Variants in STAT4 observed in about 807,000 individuals in gnomAD.
STAT4 encodes signal transducer and activator of transcription 4.
A neutral mutation model predicts 110.5 loss-of-function variants in STAT4; 42 were observed. That is an observed-to-expected ratio of 0.38 (90% CI 0.30 to 0.49). The LOEUF is 0.49. Ranked by LOEUF, STAT4 falls within the 20% of genes least tolerant of loss-of-function variation. The probability of loss-of-function intolerance (pLI) is 0.95; values close to 1 mark genes in which losing one functional copy is unlikely to be tolerated. For missense variants in STAT4, 632 were observed against 887.9 expected (o/e 0.71, Z 3.66); for synonymous variants, 284 against 302.2 (o/e 0.94, Z 0.63).
At chr2:191,055,516 G>A (rs1479143012) in intron 13 of STAT4, among the ~76,000 whole-genome samples, 1 of 150,954 alleles carries the variant, frequency 6.6e-6, no homozygotes, top group Non-Finnish European at 1.5e-5. Context: ...ACTGCGCCAG[G>A]CTAATTTTCT....
chr2:191,113,224 A>C lies in STAT4; in HGVS notation c.273+33389T>G, dbSNP rs1286447427. ...GTGCCACTCATTCATTTGTTCCACA[A>C]ATTTGTACTGAACAGCAATTATTGC... On this transcript the variant is annotated intron_variant, in intron 3 of 23. Transcript: ENST00000392320. This position sits in a 1 kb window ranked among gnomAD's most constrained non-coding sequence, Gnocchi z 4.8. Among the ~76,000 whole-genome samples the C allele has an allele frequency of 6.6e-6, 1 of 152,230 alleles. No homozygotes were observed. The highest frequency in any genetic ancestry group is 1.5e-5 in the Non-Finnish European group (1 of 68,042).
rs531472919 is a variant in STAT4, at chr2:191,136,654, T to G, written c.273+9959A>C. On this transcript the variant is annotated intron_variant, in intron 3 of 23. Coordinates refer to ENST00000392320, the MANE Select transcript of STAT4 (RefSeq NM_003151.4). ...GTATCCCAGCTACTCAGGAGGCTGATGCAGGAGAATTGCTTGAACCTGGGA... is the reference window on the plus strand; with the variant it reads ...GTATCCCAGCTACTCAGGAGGCTGAGGCAGGAGAATTGCTTGAACCTGGGA... 4.2e-4 allele frequency among the ~76,000 whole-genome samples: 64 copies of G among 152,244 alleles called. 1 individual carries two copies. The South Asian group carries it at 0.013, about 31-fold the overall frequency.
intron 3 of STAT4, among the ~76,000 whole-genome samples, chr2:191,097,087 A>G (rs1698008985): frequency 1.3e-5 from 2 of 152,236 alleles, no homozygotes. Context: ...CTCTTCAAGG[A>G]AAAACACAAA....
At position 191,146,887 on chromosome 2, in the gene STAT4, T is replaced by C; in HGVS notation, c.129-130A>G. On this transcript the variant is annotated intron_variant, in intron 2 of 23. Transcript: ENST00000392320. This position sits in a 1 kb window ranked among gnomAD's most constrained non-coding sequence, Gnocchi z 4.5. ...CATTTAAAAGTTTTAAAAAATTAAATTGTTAACATGAAGAGATGCTCAACA... is the reference window on the plus strand; with the variant it reads ...CATTTAAAAGTTTTAAAAAATTAAACTGTTAACATGAAGAGATGCTCAACA... 9 of 879,626 alleles carry C rather than the reference T, an allele frequency of 1.0e-5. No homozygotes were observed. Among genetic ancestry groups the C allele is most frequent in the Non-Finnish European group, 1.1e-5 (7 of 644,756 alleles). 54.5% of individuals were successfully genotyped at this position (879,626 alleles called of 1,614,324 possible). A position where few individuals can be genotyped will look rare whatever the true frequency, so the allele number is the denominator to read the frequency against.
Position 191,082,382 on chromosome 2 carries a change from A to C in STAT4, c.274-6057T>G, listed in dbSNP as rs1212212856. On this transcript the variant is annotated intron_variant, in intron 3 of 23. Transcript: ENST00000392320. This position sits in a 1 kb window ranked among gnomAD's most constrained non-coding sequence, Gnocchi z 4.7. The stretch of plus-strand genomic sequence containing the variant: ...AGTGTTATATTTTGATGACATTTTA[A>C]ACAGCAATTAAGATCAACATATGTT... 6.6e-6 allele frequency among the ~76,000 whole-genome samples: 1 copy of C among 152,326 alleles called. No homozygotes were observed. Among genetic ancestry groups the C allele is most frequent in the African/African-American group, 2.4e-5 (1 of 41,576 alleles).
At chr2:191,122,232 T>C (rs1441684914) in intron 3 of STAT4, among the ~76,000 whole-genome samples, 1 of 150,028 alleles carries the variant, frequency 6.7e-6, no homozygotes, top group Admixed American at 6.7e-5. Flanking sequence ...AAAATGGCCA[T>C]CAAGCATAAA....
chr2:191,095,584 T>C (rs1697946652), intron 3 of STAT4, among the ~76,000 whole-genome samples: 1 of 152,260 alleles, frequency 6.6e-6, no homozygotes, highest in Non-Finnish European at 1.5e-5. Context: ...AGACACAACA[T>C]ACCAGAATCT....
chr2:191,113,498 G>C lies in STAT4; in HGVS notation c.273+33115C>G, dbSNP rs957417172. Among the ~76,000 whole-genome samples, 2 of 152,204 alleles carry C rather than the reference G, an allele frequency of 1.3e-5. No homozygotes were observed. The highest frequency in any genetic ancestry group is 4.8e-5 in the African/African-American group (2 of 41,454). ...ATGAAACAGCATTGGATATAAATAT[G>C]CTCAGAAACTTATACAAGGTAGTCA... is the stretch of plus-strand genomic sequence containing the variant. On this transcript the variant is annotated intron_variant, in intron 3 of 23. Coordinates refer to ENST00000392320, the MANE Select transcript of STAT4 (RefSeq NM_003151.4). The surrounding 1 kb of genome is among the most constrained non-coding windows in gnomAD (Gnocchi z 4.8).
chr2:191,111,643 A>T (rs1311403666), intron 3 of STAT4, among the ~76,000 whole-genome samples: 1 of 152,202 alleles, frequency 6.6e-6, no homozygotes, highest in Non-Finnish European at 1.5e-5. Flanking sequence ...TTTTGAAGCC[A>T]GGAGTTAGAG....
chr2:191,090,751 A>T lies in STAT4; in HGVS notation c.274-14426T>A, dbSNP rs989832469. Among the ~76,000 whole-genome samples the T allele has an allele frequency of 3.3e-5, 5 of 152,040 alleles. No homozygotes were observed. The East Asian group carries it at 5.8e-4, about 18-fold the overall frequency. On this transcript the variant is annotated intron_variant, in intron 3 of 23. Transcript: ENST00000392320. This position sits in a 1 kb window ranked among gnomAD's most constrained non-coding sequence, Gnocchi z 4.2. ...AATTTTTTGTATTTTTAGTAGAGAC[A>T]GGGTTTCACCGTGTTAGCCTGACAC...
intron 3 of STAT4, among the ~76,000 whole-genome samples, chr2:191,092,413 G>A (rs1697825369): frequency 6.6e-6 from 1 of 151,184 alleles, no homozygotes; most frequent in African/African-American, 2.4e-5. Context: ...CAAAAATAAT[G>A]AAATTTCATT....
In STAT4 at chr2:191,031,638, C is replaced by T. The variant is rs1015272941; in HGVS notation, c.2045-122G>A. ...GAGGAAGAGAGATAACGCAGTTGTTCGGTGATACACAGAAATGTTTTGTTA... is the reference window on the plus strand; with the variant it reads ...GAGGAAGAGAGATAACGCAGTTGTTTGGTGATACACAGAAATGTTTTGTTA... On this transcript the variant is annotated intron_variant, in intron 21 of 23. Coordinates refer to ENST00000392320, the MANE Select transcript of STAT4 (RefSeq NM_003151.4). This position sits in a 1 kb window ranked among gnomAD's most constrained non-coding sequence, Gnocchi z 4.8. The T allele has an allele frequency of 1.4e-5, 10 of 720,952 alleles. No individual in the cohort carries two copies. Among genetic ancestry groups the T allele is most frequent in the Non-Finnish European group, 2.3e-5 (10 of 432,722 alleles). The allele number at this position is 720,952 out of a possible 1,614,324, so 44.7% of individuals were successfully genotyped here.
rs535533341 is a variant in STAT4, at chr2:191,043,664, T to C, written c.1252-2516A>G. Among the ~76,000 whole-genome samples the C allele has an allele frequency of 1.6e-4, 25 of 152,216 alleles. No individual in the cohort carries two copies. Among genetic ancestry groups the C allele is most frequent in the African/African-American group, 5.8e-4 (24 of 41,540 alleles). ...AAGAATGTTAATTGAAGAATGTTTA[T>C]AGTAGAACTGCTTAGAATGCTAAAA... On this transcript the variant is annotated intron_variant, in intron 14 of 23. Coordinates refer to ENST00000392320, the MANE Select transcript of STAT4 (RefSeq NM_003151.4). This position sits in a 1 kb window ranked among gnomAD's most constrained non-coding sequence, Gnocchi z 4.8.
At chr2:191,105,861 T>C (rs1200366906) in intron 3 of STAT4, among the ~76,000 whole-genome samples, 2 of 152,186 alleles carry the variant, frequency 1.3e-5, no homozygotes, top group African/African-American at 2.4e-5. Context: ...GTATAGTATT[T>C]AATTATCCTC....
Position 191,104,500 on chromosome 2 carries a change from C to G in STAT4, c.274-28175G>C, listed in dbSNP as rs996843459. Among the ~76,000 whole-genome samples the G allele has an allele frequency of 6.6e-6, 1 of 152,142 alleles. No homozygotes were observed. The highest frequency in any genetic ancestry group is 2.4e-5 in the African/African-American group (1 of 41,442). On this transcript the variant is annotated intron_variant, in intron 3 of 23. Coordinates refer to ENST00000392320, the MANE Select transcript of STAT4 (RefSeq NM_003151.4). The surrounding 1 kb of genome is among the most constrained non-coding windows in gnomAD (Gnocchi z 4.3). ...TGTGAAGAAGATTTTGCCACACAGA[C>G]TCACACTGTGTTTTTAAATTTGAAG...
At position 191,062,472 on chromosome 2, in the gene STAT4, G is replaced by T. The variant is rs1190937880; in HGVS notation, c.941+290C>A. Among the ~76,000 whole-genome samples the T allele has an allele frequency of 6.6e-6, 1 of 152,072 alleles. No individual in the cohort carries two copies. Among genetic ancestry groups the T allele is most frequent in the Non-Finnish European group, 1.5e-5 (1 of 68,018 alleles). On this transcript the variant is annotated intron_variant, in intron 9 of 23. Transcript: ENST00000392320. This position sits in a 1 kb window ranked among gnomAD's most constrained non-coding sequence, Gnocchi z 4.9. Reference sequence around the variant, plus strand: ...TCTCCATCCTTCATTTCATGGATATGCACATAAGAAAAAACCCTTGAAATT... The same window carrying T: ...TCTCCATCCTTCATTTCATGGATATTCACATAAGAAAAAACCCTTGAAATT...
intron 3 of STAT4, among the ~76,000 whole-genome samples, chr2:191,109,190 G>A (rs1353559464): frequency 1.3e-5 from 2 of 152,158 alleles, no homozygotes; most frequent in South Asian, 2.1e-4. Flanking sequence ...TTCTACAAGC[G>A]AAAAACAGAG....
Position 191,142,820 on chromosome 2 carries a change from G to A in STAT4, c.273+3793C>T, listed in dbSNP as rs372789034. On this transcript the variant is annotated intron_variant, in intron 3 of 23. Coordinates refer to ENST00000392320, the MANE Select transcript of STAT4 (RefSeq NM_003151.4). This position sits in a 1 kb window ranked among gnomAD's most constrained non-coding sequence, Gnocchi z 4.1. ...GTAGTGTTCAGGGGCTCCGTGGGAA[G>A]CGAGAGAAGGATGAATATTGGAGAG... is the stretch of plus-strand genomic sequence containing the variant. Among the ~76,000 whole-genome samples the A allele has an allele frequency of 4.6e-5, 7 of 152,282 alleles. No individual in the cohort carries two copies. In the East Asian group the frequency reaches 1.4e-3, roughly 29 times the overall value.
At chr2:191,114,814 A>G (rs977606781) in intron 3 of STAT4, among the ~76,000 whole-genome samples, 4 of 152,152 alleles carry the variant, frequency 2.6e-5, no homozygotes, top group African/African-American at 9.7e-5. Flanking sequence ...AAGAGGATGG[A>G]GTTCTGCTTT....
Sources: allele counts gnomAD v4.1 joint callset (sites outside exome capture counted in the v4.1 genomes callset), GRCh38; gene constraint gnomAD v4.1.1; non-coding constraint Gnocchi (gnomAD v3.1); transcripts MANE v1.5; gene names NCBI Gene and HGNC (gene_info 2026-07-23, HGNC 2026-07-21).